ECE1: variants seen among roughly 807,000 people sequenced by gnomAD.
ECE1 encodes the protein endothelin-converting enzyme 1.
A neutral mutation model predicts 98.6 loss-of-function variants in ECE1; 35 were observed. The observed-to-expected ratio is 0.35, with a 90% CI of 0.27 to 0.47. The LOEUF is 0.47. Ranked by LOEUF, ECE1 falls within the 20% of genes least tolerant of loss-of-function variation. The pLI is 1.00. For synonymous variants in ECE1, 394 were observed against 407.1 expected (o/e 0.97, Z 0.39); for missense variants, 814 against 1,025.3 (o/e 0.79, Z 2.81).
intron 1 of ECE1, among the ~76,000 whole-genome samples, chr1:21,309,254 G>A (rs1638663683): frequency 6.6e-6 from 1 of 152,188 alleles, no homozygotes. Context: ...CTCCCCCTCT[G>A]TGGTTAAGGA....
At chr1:21,276,874 C>A (rs212543) in intron 3 of ECE1, among the ~76,000 whole-genome samples, 1 of 151,754 alleles carries the variant, frequency 6.6e-6, no homozygotes, top group Non-Finnish European at 1.5e-5. Context: ...GCGCCACCAT[C>A]CCTGGCTAAT....
intron 2 of ECE1, among the ~76,000 whole-genome samples, chr1:21,282,152 T>C (rs1220738236): frequency 6.6e-6 from 1 of 152,094 alleles, no homozygotes; most frequent in Non-Finnish European, 1.5e-5. Flanking sequence ...TAGCTAGGCA[T>C]GGTGGCATGC....
At chr1:21,280,612 G>T (rs2098253288) in intron 2 of ECE1, among the ~76,000 whole-genome samples, 1 of 152,188 alleles carries the variant, frequency 6.6e-6, no homozygotes, top group Non-Finnish European at 1.5e-5. Flanking sequence ...AGCAAGGCTT[G>T]CCAGGAAGAG....
intron 2 of ECE1, among the ~76,000 whole-genome samples, chr1:21,289,816 T>A (rs778417372): frequency 6.6e-5 from 10 of 151,866 alleles, no homozygotes; most frequent in African/African-American, 9.7e-5. Flanking sequence ...CCACCTGGGC[T>A]GTGGCCCCAG....
At chr1:21,311,116 G>A (rs1366894654) in intron 1 of ECE1, among the ~76,000 whole-genome samples, 2 of 152,184 alleles carry the variant, frequency 1.3e-5, no homozygotes, top group African/African-American at 2.4e-5. Flanking sequence ...TGTAGACAAA[G>A]TGTGTGGCAC....
chr1:21,316,954 C>T (rs1423428192), intron 1 of ECE1, among the ~76,000 whole-genome samples: 27 of 151,938 alleles, frequency 1.8e-4, no homozygotes, highest in Admixed American at 1.5e-3. Context: ...TTTGGGAGGC[C>T]GAGGTGGGCG....
chr1:21,320,513 T>G (rs1276349738), intron 1 of ECE1, among the ~76,000 whole-genome samples: 1 of 152,186 alleles, frequency 6.6e-6, no homozygotes, highest in African/African-American at 2.4e-5. Flanking sequence ...AGTAGAAAAT[T>G]CTTGGCCAGA....
At chr1:21,310,156 A>T (rs1025402408) in intron 1 of ECE1, among the ~76,000 whole-genome samples, 2 of 152,108 alleles carry the variant, frequency 1.3e-5, no homozygotes, top group Admixed American at 1.3e-4. Context: ...GGAGGGAGGG[A>T]GGATCATCAG....
chr1:21,272,526 A>T (rs2098241443), intron 4 of ECE1, among the ~76,000 whole-genome samples, 173 bp downstream of exon 4: 1 of 152,172 alleles, frequency 6.6e-6, no homozygotes. Flanking sequence ...TCCTGGCCTC[A>T]AGTGATCCAC....
chr1:21,308,187 C>A (rs1051823369), intron 1 of ECE1, among the ~76,000 whole-genome samples: 5 of 152,342 alleles, frequency 3.3e-5, no homozygotes, highest in Middle Eastern at 6.8e-3. Context: ...AAATGGCCAA[C>A]CTTTTGAGTC....
At position 21,221,957 on chromosome 1, in the gene ECE1, G is replaced by C. The variant is rs28368045; in HGVS notation, c.2041-115C>G. On this transcript the variant is annotated intron_variant, in intron 17 of 18. Coordinates refer to ENST00000374893, the MANE Select transcript of ECE1 (RefSeq NM_001397.3). ...GTTGGGGCAAGGACTAGTTTCTGGG[G>C]ATCTGGGCCTGGGCTCAGCCTAGGG... 3.0e-4 allele frequency: 281 copies of C among 931,378 alleles called. No homozygotes were observed. The African/African-American group carries it at 4.1e-3, about 14-fold the overall frequency. The allele number at this position is 931,378 out of a possible 1,614,324, so 57.7% of individuals were successfully genotyped here.
chr1:21,279,338 G>A lies in ECE1; in HGVS notation c.139-6C>T, dbSNP rs1001128787. On this transcript the variant is annotated splice_region_variant and splice_polypyrimidine_tract_variant and intron_variant, in intron 2 of 18. Coordinates refer to ENST00000374893, the MANE Select transcript of ECE1 (RefSeq NM_001397.3). ...CGGGGGCTGTGGAAGTTCACCTGCA[G>A]GGAAGGAGGCAGGAGGGGCGGGGAA... 5 of 1,614,052 alleles carry A rather than the reference G, an allele frequency of 3.1e-6. No homozygotes were observed. In the African/African-American group the frequency reaches 4.0e-5, roughly 13 times the overall value.
At chr1:21,326,364 G>A (rs948029537) in intron 1 of ECE1, among the ~76,000 whole-genome samples, 1 of 152,054 alleles carries the variant, frequency 6.6e-6, no homozygotes, top group African/African-American at 2.4e-5. Flanking sequence ...CTGGGAGACC[G>A]TGGGGTGTGT....
At chr1:21,331,326 C>A (rs12726080) in intron 1 of ECE1, among the ~76,000 whole-genome samples, 10,888 of 152,156 alleles carry the variant, frequency 0.072, 533 homozygotes, top group Middle Eastern at 0.11. Context: ...ATCGCTTGAA[C>A]CCAGGAGGTG....
chr1:21,321,270 A>C (rs920447732), intron 1 of ECE1, among the ~76,000 whole-genome samples: 1 of 152,150 alleles, frequency 6.6e-6, no homozygotes, highest in African/African-American at 2.4e-5. Flanking sequence ...ACCCTAACAT[A>C]AACCAGAAAG....
At chr1:21,287,482 C>T (rs1054736129) in intron 2 of ECE1, among the ~76,000 whole-genome samples, 1 of 152,126 alleles carries the variant, frequency 6.6e-6, no homozygotes, top group Non-Finnish European at 1.5e-5. Flanking sequence ...GCTGAGATCG[C>T]GCCACTGCAC....
rs2098173150 is a variant in ECE1, at chr1:21,225,608, A to C, written c.1850-168T>G. Among the ~76,000 whole-genome samples the C allele has an allele frequency of 6.6e-6, 1 of 152,070 alleles. No individual in the cohort carries two copies. Among genetic ancestry groups the C allele is most frequent in the South Asian group, 2.1e-4 (1 of 4,824 alleles). Reference sequence around the variant, plus strand: ...GCCGAGGGACGTGGATGTGGTGGCCAGTCAGAGGCGGGAGAGGATGAAGGA... The same window carrying C: ...GCCGAGGGACGTGGATGTGGTGGCCCGTCAGAGGCGGGAGAGGATGAAGGA... On this transcript the variant is annotated intron_variant, in intron 16 of 18. Coordinates refer to ENST00000374893, the MANE Select transcript of ECE1 (RefSeq NM_001397.3). This position sits in a 1 kb window ranked among gnomAD's most constrained non-coding sequence, Gnocchi z 5.3.
intron 1 of ECE1, among the ~76,000 whole-genome samples, chr1:21,306,335 T>C (rs545562349): frequency 6.7e-6 from 1 of 150,282 alleles, no homozygotes; most frequent in Non-Finnish European, 1.5e-5. Context: ...GTTTTTTTGT[T>C]TTTTTTTTTT....
chr1:21,333,088 T>C (rs1639237006), intron 1 of ECE1, among the ~76,000 whole-genome samples: 2 of 152,142 alleles, frequency 1.3e-5, no homozygotes, highest in South Asian at 4.1e-4. Flanking sequence ...ACACGCCTGC[T>C]AAAAGTCCTT....
Sources: gnomAD v4.1 joint callset for allele counts (sites outside exome capture counted in the v4.1 genomes callset) on GRCh38, gnomAD v4.1.1 for gene constraint, Gnocchi (gnomAD v3.1) non-coding constraint, MANE v1.5 for transcripts, NCBI Gene and HGNC (gene_info 2026-07-23, HGNC 2026-07-21) for gene names.